The following DOCK3 variants were observed in gnomAD, a reference collection of about 807,000 sequenced individuals.
DOCK3 encodes the protein dedicator of cytokinesis protein 3.
Under a neutral mutation model 265.6 loss-of-function variants are expected in DOCK3, and 60 were observed. The observed-to-expected ratio is 0.23, with a 90% CI of 0.18 to 0.28. The LOEUF (loss-of-function observed/expected upper bound fraction) is 0.28. Ranked by LOEUF, DOCK3 falls within the 10% of genes least tolerant of loss-of-function variation. The probability of loss-of-function intolerance (pLI) is 1.00; values close to 1 mark genes in which losing one functional copy is unlikely to be tolerated. For missense variants in DOCK3, 1,981 were observed against 2,594.3 expected, an observed-to-expected ratio of 0.76 and a Z score of 5.14; for synonymous variants, 881 against 938.0, an observed-to-expected ratio of 0.94 and a Z score of 1.11.
At chr3:51,151,046 C>T (rs537239338) in intron 10 of DOCK3, among the ~76,000 whole-genome samples, 1 of 152,178 alleles carries the variant, frequency 6.6e-6, no homozygotes, top group Non-Finnish European at 1.5e-5. Flanking sequence ...TGAATTGATT[C>T]ATTTACCATT....
intron 1 of DOCK3, among the ~76,000 whole-genome samples, chr3:50,687,645 G>A (rs2034922879): frequency 6.6e-6 from 1 of 152,196 alleles, no homozygotes; most frequent in African/African-American, 2.4e-5. Context: ...GTAAAATGTT[G>A]TTAAGTTCAG....
chr3:51,059,852 G>C (rs1477286554), intron 5 of DOCK3, among the ~76,000 whole-genome samples: 1 of 151,622 alleles, frequency 6.6e-6, no homozygotes, highest in Non-Finnish European at 1.5e-5. Context: ...TTTTCCCCAG[G>C]ATCCATCTGT....
At chr3:51,208,020 A>T (rs985540719) in intron 12 of DOCK3, among the ~76,000 whole-genome samples, 6 of 152,210 alleles carry the variant, frequency 3.9e-5, no homozygotes, top group Admixed American at 1.3e-4. Flanking sequence ...ACGTGGTTGC[A>T]GTTCTCCGGG....
Position 51,220,709 on chromosome 3 carries a change from G to GTGTA in DOCK3, c.1253-4939_1253-4938insGTAT, listed in dbSNP as rs1208536854. On this transcript the variant is annotated intron_variant, in intron 14 of 52. Coordinates refer to ENST00000266037, the MANE Select transcript of DOCK3 (RefSeq NM_004947.5). ...TATATGTGTGTGTGTGTGTGTGTGT[G>GTGTA]TATATATATATATATATATATATAA... 1.3e-3 allele frequency among the ~76,000 whole-genome samples: 167 copies of GTGTA among 132,376 alleles called. 1 individual carries two copies. Among genetic ancestry groups the GTGTA allele is most frequent in the African/African-American group, 4.7e-3 (157 of 33,102 alleles). 86.8% of individuals were successfully genotyped at this position (132,376 alleles called of 152,430 possible).
intron 21 of DOCK3, among the ~76,000 whole-genome samples, chr3:51,240,422 G>A (rs1363039853): frequency 6.6e-6 from 1 of 152,190 alleles, no homozygotes; most frequent in African/African-American, 2.4e-5. Flanking sequence ...GCTTTTGAGT[G>A]GAGTGTTCTG....
At chr3:50,861,793 A>T (rs1575385922) in intron 3 of DOCK3, among the ~76,000 whole-genome samples, 13 of 104,178 alleles carry the variant, frequency 1.2e-4, no homozygotes, top group South Asian at 2.8e-4. Flanking sequence ...TGTGATCTTT[A>T]TCCCTTTATG....
At chr3:50,975,382 G>T (rs560939952) in intron 5 of DOCK3, among the ~76,000 whole-genome samples, 1 of 150,258 alleles carries the variant, frequency 6.7e-6, no homozygotes, top group Non-Finnish European at 1.5e-5. Flanking sequence ...GGCCTTTTCC[G>T]CATCTATTGA....
chr3:51,016,529 A>ATGATATATATATTTAT, intron 5 of DOCK3, among the ~76,000 whole-genome samples: 1 of 56,798 alleles, frequency 1.8e-5, no homozygotes, highest in African/African-American at 1.0e-4. Context: ...ATTTCTATAT[A>ATGATATATATATTTAT]ATATATGATA....
chr3:50,909,604 G>T (rs1056526000), intron 4 of DOCK3, among the ~76,000 whole-genome samples: 10 of 139,458 alleles, frequency 7.2e-5, no homozygotes, highest in Non-Finnish European at 1.4e-4. Flanking sequence ...GCTTTCCTTT[G>T]TAGATGACCT....
chr3:50,900,587 C>A, intron 4 of DOCK3: 1 of 360,656 alleles, frequency 2.8e-6, no homozygotes, highest in Non-Finnish European at 5.3e-6. Flanking sequence ...CCTTTTTATG[C>A]TGGTTTTTCC....
chr3:51,279,046 C>T (rs763022365), intron 26 of DOCK3, among the ~76,000 whole-genome samples: 4 of 152,020 alleles, frequency 2.6e-5, no homozygotes, highest in East Asian at 1.9e-4. Context: ...GTCAGGAGTT[C>T]GAGACTAGCC....
At chr3:51,029,406 T>TCA (rs2108939576) in intron 5 of DOCK3, among the ~76,000 whole-genome samples, 1 of 152,336 alleles carries the variant, frequency 6.6e-6, no homozygotes, top group East Asian at 1.9e-4. Flanking sequence ...TGCTTGGCTT[T>TCA]CAGTGGGGGT....
intron 9 of DOCK3, among the ~76,000 whole-genome samples, chr3:51,093,288 A>C (rs887662170): frequency 2.6e-5 from 4 of 152,086 alleles, no homozygotes; most frequent in Admixed American, 6.6e-5. Context: ...CATTTTCATT[A>C]TATTGATTCT....
chr3:51,111,229 C>A (rs1008112287), intron 9 of DOCK3, among the ~76,000 whole-genome samples: 4 of 151,960 alleles, frequency 2.6e-5, no homozygotes, highest in Non-Finnish European at 5.9e-5. Context: ...TAGGAAGAAT[C>A]AGTATTGTTA....
At chr3:51,261,448 C>T (rs2079843184) in intron 23 of DOCK3, among the ~76,000 whole-genome samples, 1 of 152,180 alleles carries the variant, frequency 6.6e-6, no homozygotes, top group African/African-American at 2.4e-5. Context: ...GGTGCCTACA[C>T]CACCAGGGCC....
At chr3:51,248,620 C>G (rs1323362746) in intron 22 of DOCK3, among the ~76,000 whole-genome samples, 3 of 152,076 alleles carry the variant, frequency 2.0e-5, no homozygotes, top group Non-Finnish European at 4.4e-5. Context: ...GCCACCCCGT[C>G]TGGGCAGTGA....
At chr3:50,804,829 T>A (rs970961800) in intron 2 of DOCK3, among the ~76,000 whole-genome samples, 1 of 152,184 alleles carries the variant, frequency 6.6e-6, no homozygotes, top group African/African-American at 2.4e-5. Context: ...AAGCTCTTGA[T>A]TTTATTTTTT....
At chr3:51,197,931 A>G (rs189019647) in intron 12 of DOCK3, among the ~76,000 whole-genome samples, 1 of 152,210 alleles carries the variant, frequency 6.6e-6, no homozygotes, top group African/African-American at 2.4e-5. Context: ...CCCAGTGGCA[A>G]ATTTTACCCC....
chr3:50,897,075 C>G (rs530731255), intron 4 of DOCK3, among the ~76,000 whole-genome samples: 53 of 152,162 alleles, frequency 3.5e-4, no homozygotes, highest in Middle Eastern at 3.4e-3. Flanking sequence ...TTACTTTGGG[C>G]AGTATGGCCA....
Sources: gnomAD v4.1 joint callset for allele counts (sites outside exome capture counted in the v4.1 genomes callset) on GRCh38, gnomAD v4.1.1 for gene constraint, MANE v1.5 for transcripts, NCBI Gene and HGNC (gene_info 2026-07-23, HGNC 2026-07-21) for gene names.